The following ATP11A variants were observed in gnomAD, a reference collection of about 807,000 sequenced individuals.
The protein encoded by ATP11A is phospholipid-transporting ATPase IH.
Under a neutral mutation model 154.4 loss-of-function variants are expected in ATP11A, and 81 were observed. That is an observed-to-expected ratio of 0.52 (90% CI 0.44 to 0.63). ATP11A has a LOEUF of 0.63. Ranked by LOEUF, ATP11A falls within the 30% of genes least tolerant of loss-of-function variation. ATP11A has a pLI of 0.00. For synonymous variants in ATP11A, 623 were observed against 585.9 expected, an observed-to-expected ratio of 1.06 and a Z score of -0.91; for missense variants, 1,316 against 1,474.3, an observed-to-expected ratio of 0.89 and a Z score of 1.76.
intron 1 of ATP11A, among the ~76,000 whole-genome samples, chr13:112,742,102 G>T (rs2139756143): frequency 6.6e-6 from 1 of 152,356 alleles, no homozygotes; most frequent in Middle Eastern, 3.4e-3. Context: ...GTGGTGCGGG[G>T]TGAACGCATT....
At chr13:112,864,559 G>T in intron 25 of ATP11A, among the ~76,000 whole-genome samples, 1 of 25,006 alleles carries the variant, frequency 4.0e-5, no homozygotes, top group South Asian at 1.3e-3. Flanking sequence ...AATTCAGTGC[G>T]GCCCATGCAG....
intron 29 of ATP11A, among the ~76,000 whole-genome samples, chr13:112,879,624 T>C (rs2140447012): frequency 6.6e-6 from 1 of 152,290 alleles, no homozygotes; most frequent in Middle Eastern, 3.4e-3. Flanking sequence ...CTGCGAGGCC[T>C]TGGGCCCCGG....
rs1321108583 is a variant in ATP11A at position 112,842,251 on chromosome 13, ACTC to A, written c.1706-21_1706-19del. The stretch of plus-strand genomic sequence containing the variant: ...CTAGTCTTCCCCATATTGTGATTAA[ACTC>A]CTCATTTTTCTCATTTTGTAGGAGA... On this transcript the variant is annotated intron_variant, in intron 16 of 29. Transcript: ENST00000375645. 3 of 1,544,554 alleles carry A rather than the reference ACTC, an allele frequency of 1.9e-6. No homozygotes were observed. The East Asian group carries it at 6.8e-5, about 35-fold the overall frequency.
chr13:112,848,801 C>A (rs1047078461), intron 17 of ATP11A, among the ~76,000 whole-genome samples: 6 of 152,246 alleles, frequency 3.9e-5, no homozygotes, highest in African/African-American at 7.2e-5. Flanking sequence ...CATTCTCTTG[C>A]CTCAGCCTCC....
chr13:112,862,021 G>A (rs2080120533), intron 24 of ATP11A, among the ~76,000 whole-genome samples: 1 of 94,326 alleles, frequency 1.1e-5, no homozygotes. Context: ...GCAGGCGTAA[G>A]GCGTCACGTC....
chr13:112,755,099 G>A (rs148812148), intron 1 of ATP11A, among the ~76,000 whole-genome samples: 2 of 152,352 alleles, frequency 1.3e-5, no homozygotes, highest in East Asian at 1.9e-4. Flanking sequence ...GACTGTGGAC[G>A]AGGAAATTGT....
chr13:112,846,003 G>A (rs943713820), intron 17 of ATP11A, among the ~76,000 whole-genome samples: 11 of 152,204 alleles, frequency 7.2e-5, no homozygotes, highest in South Asian at 2.1e-4. Flanking sequence ...GCTGCGGGCC[G>A]CCTGCTGTGC....
chr13:112,880,918 G>C, intron 29 of ATP11A: 3 of 994,042 alleles, frequency 3.0e-6, no homozygotes, highest in Non-Finnish European at 3.6e-6. Flanking sequence ...AGCATCGTCA[G>C]ACACAGGCTC....
At chr13:112,767,758 G>A (rs977860907) in intron 1 of ATP11A, among the ~76,000 whole-genome samples, 1 of 152,116 alleles carries the variant, frequency 6.6e-6, no homozygotes, top group African/African-American at 2.4e-5. Flanking sequence ...TGCAAACTCT[G>A]AAGTCTCTCA....
At chr13:112,775,693 G>A (rs924903636) in intron 1 of ATP11A, among the ~76,000 whole-genome samples, 4 of 150,568 alleles carry the variant, frequency 2.7e-5, no homozygotes, top group Non-Finnish European at 4.4e-5. Context: ...TTTTCTGCAC[G>A]TTTGAATTAT....
Position 112,851,018 on chromosome 13 carries a change from G to A in ATP11A, c.1810-19G>A, listed in dbSNP as rs752267294. On this transcript the variant is annotated intron_variant, in intron 17 of 29. Transcript: ENST00000375645. ...GTGACACCTTGAATTCGTGCTAAAC[G>A]CTGCATTGTGTTCTGCAGGAGGGGC... 12 of 1,608,138 alleles carry A rather than the reference G, an allele frequency of 7.5e-6. No homozygotes were observed. The highest frequency in any genetic ancestry group is 4.0e-5 in the African/African-American group (3 of 74,674).
intron 2 of ATP11A, among the ~76,000 whole-genome samples, chr13:112,789,583 T>C (rs2077777048): frequency 6.9e-6 from 1 of 144,536 alleles, no homozygotes; most frequent in African/African-American, 2.6e-5. Flanking sequence ...TTCACACCGG[T>C]GTCCTGACGC....
chr13:112,788,954 A>G (rs2077745317), intron 2 of ATP11A, among the ~76,000 whole-genome samples: 1 of 151,498 alleles, frequency 6.6e-6, no homozygotes, highest in African/African-American at 2.4e-5. Flanking sequence ...TACTTAATTC[A>G]CACCTGGCAT....
intron 5 of ATP11A, among the ~76,000 whole-genome samples, chr13:112,814,475 G>C (rs1018135195): frequency 6.6e-6 from 1 of 152,014 alleles, no homozygotes; most frequent in Non-Finnish European, 1.5e-5. Flanking sequence ...AAGTGTTATA[G>C]TTTCATGTTT....
At chr13:112,737,527 G>T (rs372002423) in intron 1 of ATP11A, among the ~76,000 whole-genome samples, 3 of 152,342 alleles carry the variant, frequency 2.0e-5, no homozygotes, top group African/African-American at 7.2e-5. Context: ...AGACCAGAAG[G>T]AGAGGAGGGA....
intron 27 of ATP11A, among the ~76,000 whole-genome samples, chr13:112,874,572 G>T (rs1328763787): frequency 6.6e-6 from 1 of 152,168 alleles, no homozygotes; most frequent in Admixed American, 6.5e-5. Flanking sequence ...GCAGACCTGG[G>T]GTCAGTAGCC....
intron 17 of ATP11A, among the ~76,000 whole-genome samples, chr13:112,848,256 T>C (rs904618943): frequency 3.3e-5 from 5 of 152,260 alleles, no homozygotes; most frequent in African/African-American, 9.6e-5. Context: ...CAGCAAACTT[T>C]GGTATTTTTC....
Position 112,858,277 on chromosome 13 carries a change from ACTT to A in ATP11A, c.2660_2662del (p.Phe887del), listed in dbSNP as rs2079992244. 1.2e-6 allele frequency: 2 copies of A among 1,613,116 alleles called. No individual in the cohort carries two copies. Among genetic ancestry groups the A allele is most frequent in the Non-Finnish European group, 8.5e-7 (1 of 1,179,556 alleles). On this transcript the variant is annotated inframe_deletion, in exon 22 of 30. Coordinates refer to ENST00000375645, the MANE Select transcript of ATP11A (RefSeq NM_015205.3). ...ATTAGGATCTCTGAGCTCGTGCAGT[ACTT>A]CTTCTATAAGGTAGGAGGGTCGCCG...
rs7999828 is a variant in ATP11A, at chr13:112,834,772, G to A, written c.1631+112G>A. Reference sequence around the variant, plus strand: ...AGTTCTCTATGTTCTCCCACAATTCGCTTCCTCTCCTTCCCAGTGACACCC... The same window carrying A: ...AGTTCTCTATGTTCTCCCACAATTCACTTCCTCTCCTTCCCAGTGACACCC... On this transcript the variant is annotated intron_variant, in intron 15 of 29. Coordinates refer to ENST00000375645, the MANE Select transcript of ATP11A (RefSeq NM_015205.3). 1.1e-4 allele frequency: 93 copies of A among 826,726 alleles called. No individual in the cohort carries two copies. The African/African-American group carries it at 1.4e-3, about 12-fold the overall frequency. 51.2% of individuals were successfully genotyped at this position (826,726 alleles called of 1,614,324 possible).
Sources: gnomAD v4.1 joint callset for allele counts (sites outside exome capture counted in the v4.1 genomes callset) on GRCh38, gnomAD v4.1.1 for gene constraint, MANE v1.5 for transcripts, NCBI Gene and HGNC (gene_info 2026-07-23, HGNC 2026-07-21) for gene names.